PKHD1L1: variants seen among roughly 807,000 people sequenced by gnomAD.
PKHD1L1 encodes the protein PKHD1 like 1.
PKHD1L1 carries 434 observed loss-of-function variants against 462.9 expected under a neutral mutation model. The observed-to-expected ratio is 0.94, with a 90% CI of 0.87 to 1.02. PKHD1L1 has a LOEUF of 1.02. Among genes scored for constraint, PKHD1L1 ranks in the 50% least tolerant of loss-of-function variants. PKHD1L1 has a pLI of 0.00. For missense variants in PKHD1L1, 5,202 were observed against 5,096.1 expected (o/e 1.02, Z -0.63); for synonymous variants, 1,781 against 1,750.0 (o/e 1.02, Z -0.44).
At chr8:109,463,344 G>A (rs761152406) in intron 48 of PKHD1L1, among the ~76,000 whole-genome samples, 16 of 152,044 alleles carry the variant, frequency 1.1e-4, no homozygotes, top group Non-Finnish European at 2.4e-4. Context: ...CACCTCGACT[G>A]CATTGATGGT....
At chr8:109,457,736 C>T (rs976966800) in intron 46 of PKHD1L1, among the ~76,000 whole-genome samples, 1 of 152,086 alleles carries the variant, frequency 6.6e-6, no homozygotes, top group Non-Finnish European at 1.5e-5. Context: ...CTTATTAACA[C>T]TTAGTGTTGT....
chr8:109,423,602 C>T (rs1814585892), intron 23 of PKHD1L1, among the ~76,000 whole-genome samples: 1 of 152,070 alleles, frequency 6.6e-6, no homozygotes, highest in South Asian at 2.1e-4. Context: ...TTTAGCTATT[C>T]TAGGTCCTGT....
At chr8:109,482,432 C>T (rs1818317739) in intron 56 of PKHD1L1, among the ~76,000 whole-genome samples, 1 of 151,692 alleles carries the variant, frequency 6.6e-6, no homozygotes, top group Non-Finnish European at 1.5e-5. Context: ...CTTTTAAGGA[C>T]ACTAGAATTA....
chr8:109,477,229 A>G lies in PKHD1L1; in HGVS notation c.8922A>G (p.Ser2974=). 6.2e-7 allele frequency: 1 copy of G among 1,613,096 alleles called. No homozygotes were observed. The highest frequency in any genetic ancestry group is 1.3e-5 in the African/African-American group (1 of 75,014). The stretch of plus-strand genomic sequence containing the variant: ...CCACTTTTACTTCACTTTCAGTGTC[A>G]GGAAGAAATGACCTTCATCAGAGTC... ...ANTSTLYYLV[S]GRNDLHQSQL... Residue 2974 remains serine (S), a synonymous_variant, in exon 53 of 78, where the codon TCA becomes TCG. Coordinates refer to ENST00000378402, the MANE Select transcript of PKHD1L1 (RefSeq NM_177531.6).
chr8:109,373,656 C>T (rs901518817), intron 2 of PKHD1L1, among the ~76,000 whole-genome samples: 7 of 152,208 alleles, frequency 4.6e-5, no homozygotes, highest in Non-Finnish European at 1.0e-4. Flanking sequence ...TTACAAATTT[C>T]CCTCTACACA....
At chr8:109,493,782 C>T (rs1818950347) in intron 63 of PKHD1L1, 31 bp downstream of exon 63, 1 of 1,418,802 alleles carries the variant, frequency 7.0e-7, no homozygotes, top group Non-Finnish European at 9.7e-7. Context: ...ATCGCTAAAA[C>T]TAGGAAATAA....
rs772706448 is a variant in PKHD1L1 at position 109,530,211 on chromosome 8, A to G, written c.*121A>G. 7 of 503,998 alleles carry G rather than the reference A, an allele frequency of 1.4e-5. No individual in the cohort carries two copies. Among genetic ancestry groups the G allele is most frequent in the Non-Finnish European group, 1.9e-5 (6 of 321,846 alleles). The allele number at this position is 503,998 out of a possible 1,614,324, so 31.2% of individuals were successfully genotyped here. A position where few individuals can be genotyped will look rare whatever the true frequency, so the allele number is the denominator to read the frequency against. ...TATACTAAAAATATTTTTATGATATATAAAATGTACTAATTAGCTTTAAAC... is the reference window on the plus strand; with the variant it reads ...TATACTAAAAATATTTTTATGATATGTAAAATGTACTAATTAGCTTTAAAC... On this transcript the variant is annotated 3_prime_UTR_variant, in exon 78 of 78. Coordinates refer to ENST00000378402, the MANE Select transcript of PKHD1L1 (RefSeq NM_177531.6).
At chr8:109,413,206 T>C (rs1309126930) in intron 20 of PKHD1L1, among the ~76,000 whole-genome samples, 1 of 152,112 alleles carries the variant, frequency 6.6e-6, no homozygotes, top group Non-Finnish European at 1.5e-5. Flanking sequence ...TTATAATTAA[T>C]TGTAAGGTCA....
chr8:109,380,779 C>T (rs1250788496), intron 2 of PKHD1L1, among the ~76,000 whole-genome samples: 1 of 152,134 alleles, frequency 6.6e-6, no homozygotes, highest in Non-Finnish European at 1.5e-5. Context: ...TAGCTCATTG[C>T]CCAAATAAAT....
At chr8:109,416,532 A>T (rs1205705703) in intron 21 of PKHD1L1, among the ~76,000 whole-genome samples, 2 of 152,208 alleles carry the variant, frequency 1.3e-5, no homozygotes, top group East Asian at 3.9e-4. Flanking sequence ...AACATGTTGC[A>T]TCCCCCAGTG....
At chr8:109,396,522 AGTAATAT>A (rs1284041190) in intron 11 of PKHD1L1, among the ~76,000 whole-genome samples, 3 of 152,206 alleles carry the variant, frequency 2.0e-5, no homozygotes, top group Non-Finnish European at 2.9e-5. Context: ...GGAAATTTAA[AGTAATAT>A]TTTGGTTATT....
chr8:109,506,655 C>T (rs1204518978), intron 68 of PKHD1L1, among the ~76,000 whole-genome samples: 1 of 152,122 alleles, frequency 6.6e-6, no homozygotes, highest in African/African-American at 2.4e-5. Context: ...TTGAATACAA[C>T]GAACACATGA....
rs1404069960 is a variant in PKHD1L1 at position 109,394,505 on chromosome 8, C to T, written c.811+20C>T. 2.1e-6 allele frequency: 3 copies of T among 1,458,402 alleles called. No individual in the cohort carries two copies. The South Asian group carries it at 4.2e-5, about 20-fold the overall frequency. The allele number at this position is 1,458,402 out of a possible 1,614,324, so 90.3% of individuals were successfully genotyped here. On this transcript the variant is annotated intron_variant, in intron 10 of 77. Transcript: ENST00000378402. ...ATGCAGGTATGTGACTTTTCTTTCA[C>T]TCTGTTGCGGGGGTGGTGGGAAGGC...
chr8:109,470,271 G>A (rs1162801781), intron 50 of PKHD1L1: 4 of 1,438,730 alleles, frequency 2.8e-6, no homozygotes, highest in Middle Eastern at 4.9e-4. Flanking sequence ...ACTGTGATCT[G>A]GAGTGTAGCC....
chr8:109,479,729 C>G, intron 54 of PKHD1L1, 90 bp downstream of exon 54: 1 of 995,428 alleles, frequency 1.0e-6, no homozygotes. Context: ...ATCAGCACAC[C>G]TTTCCAAAAG....
rs1367882151 is a variant in PKHD1L1 at position 109,449,346 on chromosome 8, G to T, written c.6034G>T (p.Gly2012Cys). ...QNINPSQGSF[G>C]GGQTMTVTGT... is the part of the protein sequence containing the mutation. ...TTATTTGTCTTCACTAGGGAGCTTT[G>T]GTGGGGGTCAAACCATGACTGTGAC... is the stretch of plus-strand genomic sequence containing the variant. Residue 2012 changes from glycine (G) to cysteine (C), a missense_variant, in exon 40 of 78, where the codon GGT (glycine) becomes TGT (cysteine). By Grantham distance (159) the Gly-to-Cys change is radical. Transcript: ENST00000378402. 3 of 1,572,702 alleles carry T rather than the reference G, an allele frequency of 1.9e-6. No homozygotes were observed. Among genetic ancestry groups the T allele is most frequent in the Non-Finnish European group, 2.6e-6 (3 of 1,157,686 alleles).
intron 30 of PKHD1L1, among the ~76,000 whole-genome samples, 183 bp from the exon 31 acceptor site, chr8:109,438,141 G>T (rs1294635841): frequency 6.6e-6 from 1 of 152,034 alleles, no homozygotes; most frequent in African/African-American, 2.4e-5. Context: ...TTTATTTTGA[G>T]AACTCAAGCA....
chr8:109,468,717 T>C (rs574227223), intron 50 of PKHD1L1, among the ~76,000 whole-genome samples: 1 of 152,170 alleles, frequency 6.6e-6, no homozygotes, highest in East Asian at 1.9e-4. Context: ...TGGTGGGCCA[T>C]GTTAGCATGT....
rs574172081 is a variant in PKHD1L1, at chr8:109,535,921, G to T, written c.*5831G>T. Among the ~76,000 whole-genome samples, 1 of 152,190 alleles carries T rather than the reference G, an allele frequency of 6.6e-6. No homozygotes were observed. The highest frequency in any genetic ancestry group is 2.4e-5 in the African/African-American group (1 of 41,436). On this transcript the variant is annotated 3_prime_UTR_variant, in exon 78 of 78. Coordinates refer to ENST00000378402, the MANE Select transcript of PKHD1L1 (RefSeq NM_177531.6). ...AGCCTGGAGAGAGAGGGGAAGGATT[G>T]TAAGTGTCATAGTTCTGACAGCTGC...
Sources: allele counts gnomAD v4.1 joint callset (sites outside exome capture counted in the v4.1 genomes callset), GRCh38; gene constraint gnomAD v4.1.1; transcripts MANE v1.5; gene names NCBI Gene and HGNC (gene_info 2026-07-23, HGNC 2026-07-21).